The following ATXN10 variants were observed in gnomAD, a reference collection of about 807,000 sequenced individuals.
ATXN10 encodes ataxin 10.
Under a neutral mutation model 52.9 loss-of-function variants are expected in ATXN10, and 28 were observed. The ratio of observed to expected loss-of-function variants is 0.53; its 90% confidence interval spans 0.39 to 0.73. The LOEUF (loss-of-function observed/expected upper bound fraction) is 0.73. Ranked by LOEUF, ATXN10 falls within the 30% of genes least tolerant of loss-of-function variation. The pLI, the probability that ATXN10 is intolerant of heterozygous loss-of-function variation, is 0.00. For missense variants in ATXN10, 565 were observed against 577.0 expected, an observed-to-expected ratio of 0.98 and a Z score of 0.21; for synonymous variants, 226 against 221.5, an observed-to-expected ratio of 1.02 and a Z score of -0.18.
In ATXN10 at chr22:45,684,910, A is replaced by C. The variant is rs528922856; in HGVS notation, c.117-4802A>C. Among the ~76,000 whole-genome samples the C allele has an allele frequency of 4.9e-4, 75 of 152,334 alleles. No individual in the cohort carries two copies. Among genetic ancestry groups the C allele is most frequent in the African/African-American group, 1.5e-3 (62 of 41,580 alleles). On this transcript the variant is annotated intron_variant, in intron 1 of 11. Coordinates refer to ENST00000252934, the MANE Select transcript of ATXN10 (RefSeq NM_013236.4). The surrounding 1 kb of genome is among the most constrained non-coding windows in gnomAD (Gnocchi z 4.1). The stretch of plus-strand genomic sequence containing the variant: ...CAAATCAGCAAGATTATGGTTTTAG[A>C]TAACAACCAGTGATTGTTGTTTTAA...
intron 7 of ATXN10, among the ~76,000 whole-genome samples, chr22:45,735,062 A>G (rs1231009227): frequency 6.6e-6 from 1 of 151,806 alleles, no homozygotes; most frequent in African/African-American, 2.4e-5. Context: ...TATTTTTAGT[A>G]GAGATGGGGT....
At chr22:45,776,832 A>C (rs1926974871) in intron 9 of ATXN10, among the ~76,000 whole-genome samples, 2 of 152,176 alleles carry the variant, frequency 1.3e-5, no homozygotes, top group Non-Finnish European at 1.5e-5. Flanking sequence ...ATTCTAATTA[A>C]ATTATGTTTT....
chr22:45,783,783 T>C lies in ATXN10; in HGVS notation c.1174-23176T>C, dbSNP rs9985185. Among the ~76,000 whole-genome samples, 1,731 of 152,332 alleles carry C rather than the reference T, an allele frequency of 0.011. 39 individuals are homozygous for C. The highest frequency in any genetic ancestry group is 0.04 in the African/African-American group (1,652 of 41,576). On this transcript the variant is annotated intron_variant, in intron 9 of 11. Transcript: ENST00000252934. This position sits in a 1 kb window ranked among gnomAD's most constrained non-coding sequence, Gnocchi z 5.0. ...AGAAGATTAAAAGAGGTGCCAGGTG[T>C]TAGCACACAGAGAAATAGGTCTTGG...
intron 9 of ATXN10, among the ~76,000 whole-genome samples, chr22:45,768,451 A>C (rs1009581083): frequency 2.6e-5 from 4 of 152,248 alleles, no homozygotes; most frequent in Non-Finnish European, 5.9e-5. Flanking sequence ...AAAACACAAA[A>C]ATCCCATAGT....
At chr22:45,692,142 G>A (rs1923407179) in intron 2 of ATXN10, among the ~76,000 whole-genome samples, 1 of 152,184 alleles carries the variant, frequency 6.6e-6, no homozygotes, top group Non-Finnish European at 1.5e-5. Flanking sequence ...TCTGCCTCAG[G>A]AATGAATGTA....
At position 45,793,824 on chromosome 22, in the gene ATXN10, G is replaced by T. The variant is rs559701555; in HGVS notation, c.1174-13135G>T. 1.3e-4 allele frequency: 172 copies of T among 1,297,042 alleles called. 1 individual carries two copies. In the South Asian group the frequency reaches 2.4e-3, roughly 18 times the overall value. The allele number at this position is 1,297,042 out of a possible 1,614,324, so 80.3% of individuals were successfully genotyped here. A position where few individuals can be genotyped will look rare whatever the true frequency, so the allele number is the denominator to read the frequency against. ...TTAGCCTGGGAAGGTTCTTGGCTTT[G>T]CCCGGGAAATAATTCAAGGGTGAGC... On this transcript the variant is annotated intron_variant, in intron 9 of 11. Coordinates refer to ENST00000252934, the MANE Select transcript of ATXN10 (RefSeq NM_013236.4).
At chr22:45,729,392 T>C (rs1425210311) in intron 6 of ATXN10, 33 bp from the exon 7 acceptor site, 5 of 1,608,736 alleles carry the variant, frequency 3.1e-6, no homozygotes, top group Non-Finnish European at 4.3e-6. Context: ...TTAAGTATTA[T>C]AGATTCATGC....
Position 45,775,625 on chromosome 22 carries a change from G to A in ATXN10, c.1174-31334G>A, listed in dbSNP as rs11703006. Among the ~76,000 whole-genome samples, 14,752 of 152,208 alleles carry A rather than the reference G, an allele frequency of 0.097. 920 individuals are homozygous for A. The highest frequency in any genetic ancestry group is 0.16 in the Middle Eastern group (46 of 294). ...TTTCGTCAGTGTTAGCCTGTGTAAT[G>A]ACACTGTTTTTCTCCTTCGTGTGAC... On this transcript the variant is annotated intron_variant, in intron 9 of 11. Coordinates refer to ENST00000252934, the MANE Select transcript of ATXN10 (RefSeq NM_013236.4). The surrounding 1 kb of genome is among the most constrained non-coding windows in gnomAD (Gnocchi z 4.7).
chr22:45,838,844 A>G (rs192521878), intron 10 of ATXN10, among the ~76,000 whole-genome samples: 19 of 152,234 alleles, frequency 1.2e-4, no homozygotes, highest in Non-Finnish European at 2.6e-4. Context: ...TTTTGTGATT[A>G]TGATTAAGTC....
intron 9 of ATXN10, among the ~76,000 whole-genome samples, chr22:45,741,435 C>T (rs949678543): frequency 6.6e-6 from 1 of 152,078 alleles, no homozygotes; most frequent in African/African-American, 2.4e-5. Context: ...AGTATAGATT[C>T]CCAGAGATCA....
intron 10 of ATXN10, among the ~76,000 whole-genome samples, chr22:45,839,928 G>A (rs1455211617): frequency 1.3e-5 from 2 of 152,242 alleles, no homozygotes; most frequent in Admixed American, 6.5e-5. Context: ...CACCCACGTG[G>A]TGAATGAGAG....
intron 10 of ATXN10, among the ~76,000 whole-genome samples, chr22:45,813,222 A>G (rs1398518187): frequency 6.6e-6 from 1 of 151,632 alleles, no homozygotes; most frequent in Non-Finnish European, 1.5e-5. Context: ...TTATTGTGGG[A>G]TTTTTTGTTG....
chr22:45,829,057 G>A (rs1305326641), intron 10 of ATXN10, among the ~76,000 whole-genome samples: 1 of 152,096 alleles, frequency 6.6e-6, no homozygotes, highest in African/African-American at 2.4e-5. Flanking sequence ...GGAATGCGGG[G>A]GTGGTTCAAC....
At chr22:45,711,554 C>T (rs1003437767) in intron 5 of ATXN10, among the ~76,000 whole-genome samples, 3 of 152,166 alleles carry the variant, frequency 2.0e-5, no homozygotes, top group Non-Finnish European at 4.4e-5. Context: ...ATCCGCACAT[C>T]GTGTCACTGT....
Position 45,759,380 on chromosome 22 carries a change from C to T in ATXN10, c.1173+18842C>T, listed in dbSNP as rs1211183372. On this transcript the variant is annotated intron_variant, in intron 9 of 11. Transcript: ENST00000252934. The surrounding 1 kb of genome is among the most constrained non-coding windows in gnomAD (Gnocchi z 5.4). ...TACAAAAAGTAGCCGGGCGTGGTGG[C>T]GCATGCCTGTAATCCCAGCTACTCG... is the stretch of plus-strand genomic sequence containing the variant. Among the ~76,000 whole-genome samples the T allele has an allele frequency of 2.6e-5, 4 of 152,150 alleles. No homozygotes were observed. Among genetic ancestry groups the T allele is most frequent in the East Asian group, 3.9e-4 (2 of 5,160 alleles).
intron 9 of ATXN10, among the ~76,000 whole-genome samples, chr22:45,756,851 T>C (rs1187559046): frequency 6.6e-6 from 1 of 152,218 alleles, no homozygotes; most frequent in Non-Finnish European, 1.5e-5. Flanking sequence ...GTTTTAGTGA[T>C]AATATTGAAT....
rs1418414573 is a variant in ATXN10, at chr22:45,712,266, G to C, written c.648-6147G>C. Among the ~76,000 whole-genome samples the C allele has an allele frequency of 6.6e-6, 1 of 152,124 alleles. No homozygotes were observed. The highest frequency in any genetic ancestry group is 2.4e-5 in the African/African-American group (1 of 41,424). On this transcript the variant is annotated intron_variant, in intron 5 of 11. Coordinates refer to ENST00000252934, the MANE Select transcript of ATXN10 (RefSeq NM_013236.4). The surrounding 1 kb of genome is among the most constrained non-coding windows in gnomAD (Gnocchi z 4.6). Reference sequence around the variant, plus strand: ...CATTCTTGAAGGAAAAAGAATTCTTGTTATCCAAGGAAGGAAAAAAGGGGA... The same window carrying C: ...CATTCTTGAAGGAAAAAGAATTCTTCTTATCCAAGGAAGGAAAAAAGGGGA...
rs896061607 is a variant in ATXN10, at chr22:45,750,267, A to AT, written c.1173+9738dup. Among the ~76,000 whole-genome samples, 18 of 149,882 alleles carry AT rather than the reference A, an allele frequency of 1.2e-4. No homozygotes were observed. The highest frequency in any genetic ancestry group is 2.4e-4 in the African/African-American group (10 of 40,870). On this transcript the variant is annotated intron_variant, in intron 9 of 11. Transcript: ENST00000252934. The surrounding 1 kb of genome is among the most constrained non-coding windows in gnomAD (Gnocchi z 4.2). ...GTCACCACACCTGGCAAATTTTTGT[A>AT]TTTTTTTTTGTAGAGGTGGGATTTT...
At chr22:45,822,920 G>T (rs1928699122) in intron 10 of ATXN10, among the ~76,000 whole-genome samples, 3 of 152,050 alleles carry the variant, frequency 2.0e-5, no homozygotes, top group African/African-American at 7.3e-5. Context: ...CCATAGTTAG[G>T]TGTTTTAAAA....
Sources: allele counts gnomAD v4.1 joint callset (sites outside exome capture counted in the v4.1 genomes callset), GRCh38; gene constraint gnomAD v4.1.1; non-coding constraint Gnocchi (gnomAD v3.1); transcripts MANE v1.5; gene names NCBI Gene and HGNC (gene_info 2026-07-23, HGNC 2026-07-21).